ABTB3: variants seen among roughly 807,000 people sequenced by gnomAD.
ABTB3 encodes the protein ankyrin repeat and BTB domain containing 3.
At chr12:107,513,403 T>C in the ABTB3 span, among the ~76,000 whole-genome samples, 25,937 of 152,052 alleles carry the variant, frequency 0.17, 2,727 homozygotes, top group East Asian at 0.29. Flanking sequence ...TTCCCCCATG[T>C]TGTTCTCCTG....
At chr12:107,564,298 A>G in the ABTB3 span, among the ~76,000 whole-genome samples, 1 of 152,156 alleles carries the variant, frequency 6.6e-6, no homozygotes, top group African/African-American at 2.4e-5. Flanking sequence ...TTCCCATCCC[A>G]GCTTTAGAGA....
At chr12:107,581,293 G>T in the ABTB3 span, 4 of 1,419,850 alleles carry the variant, frequency 2.8e-6, no homozygotes, top group Non-Finnish European at 3.6e-6. Flanking sequence ...ACTGCGAGCC[G>T]CGCCAGCTCA....
chr12:107,432,654 G>T, the ABTB3 span, among the ~76,000 whole-genome samples: 1 of 152,192 alleles, frequency 6.6e-6, no homozygotes, highest in Non-Finnish European at 1.5e-5. Context: ...TCTGATTCAG[G>T]CCATGGGCAA....
chr12:107,544,590 T>C, the ABTB3 span, among the ~76,000 whole-genome samples: 1 of 152,190 alleles, frequency 6.6e-6, no homozygotes, highest in Non-Finnish European at 1.5e-5. Flanking sequence ...GGAGAGGCAG[T>C]GTGACTGTTC....
chr12:107,581,162 G>T, the ABTB3 span: 4 of 1,543,306 alleles, frequency 2.6e-6, no homozygotes, highest in East Asian at 2.4e-5. Flanking sequence ...GCCCTTCCTC[G>T]TGCTGCCGCC....
the ABTB3 span, among the ~76,000 whole-genome samples, chr12:107,407,233 T>C: frequency 6.6e-6 from 1 of 152,228 alleles, no homozygotes; most frequent in Admixed American, 6.5e-5. Flanking sequence ...TAATAATGCA[T>C]GTAAAATACC....
chr12:107,648,687 A>T, the ABTB3 span, among the ~76,000 whole-genome samples: 2 of 152,154 alleles, frequency 1.3e-5, no homozygotes, highest in Non-Finnish European at 2.9e-5. Flanking sequence ...GCACATTGTA[A>T]TAAGGAGCAG....
chr12:107,508,873 G>T, the ABTB3 span, among the ~76,000 whole-genome samples: 5 of 152,184 alleles, frequency 3.3e-5, no homozygotes, highest in African/African-American at 1.2e-4. Flanking sequence ...CAAGGGAAAG[G>T]CTTTTCAGAG....
the ABTB3 span, among the ~76,000 whole-genome samples, chr12:107,552,748 T>C: frequency 2.6e-5 from 4 of 152,350 alleles, no homozygotes; most frequent in East Asian, 7.7e-4. Context: ...CCTTTACTTA[T>C]GTTTTGCCCT....
the ABTB3 span, among the ~76,000 whole-genome samples, chr12:107,636,581 GTTAAT>G: frequency 7.2e-5 from 11 of 152,310 alleles, no homozygotes; most frequent in Middle Eastern, 3.4e-3. Context: ...TGAATAACTT[GTTAAT>G]TTAAATGAGA....
At chr12:107,480,524 A>G in the ABTB3 span, among the ~76,000 whole-genome samples, 1 of 152,196 alleles carries the variant, frequency 6.6e-6, no homozygotes, top group Non-Finnish European at 1.5e-5. Context: ...AGTGAAAAGT[A>G]GAGCCCAAAC....
At chr12:107,516,054 TGC>T in the ABTB3 span, among the ~76,000 whole-genome samples, 31,930 of 118,146 alleles carry the variant, frequency 0.27, 3,447 homozygotes, top group African/African-American at 0.31. Context: ...TGTGTGTGTG[TGC>T]GCACACACAC....
the ABTB3 span, among the ~76,000 whole-genome samples, chr12:107,470,650 CTGG>C: frequency 6.6e-6 from 1 of 152,232 alleles, no homozygotes; most frequent in South Asian, 2.1e-4. Flanking sequence ...AGGGTCACCG[CTGG>C]GCCTCGTCAC....
At chr12:107,354,501 G>A in the ABTB3 span, among the ~76,000 whole-genome samples, 3 of 152,132 alleles carry the variant, frequency 2.0e-5, no homozygotes, top group Admixed American at 2.0e-4. Context: ...TCATATAATA[G>A]CTGGTCTTTT....
the ABTB3 span, among the ~76,000 whole-genome samples, chr12:107,392,485 G>A: frequency 1.6e-4 from 24 of 152,158 alleles, no homozygotes; most frequent in Non-Finnish European, 3.2e-4. Flanking sequence ...CAGCCACGCA[G>A]GTCGTTCTGT....
At chr12:107,471,140 T>C in the ABTB3 span, among the ~76,000 whole-genome samples, 1 of 152,352 alleles carries the variant, frequency 6.6e-6, no homozygotes, top group South Asian at 2.1e-4. Context: ...AACAAACCCC[T>C]CTATGGTGCT....
the ABTB3 span, among the ~76,000 whole-genome samples, chr12:107,607,446 C>T: frequency 6.6e-6 from 1 of 152,160 alleles, no homozygotes; most frequent in African/African-American, 2.4e-5. Context: ...GGGAGCCTTC[C>T]AACAGCGTTG....
the ABTB3 span, among the ~76,000 whole-genome samples, chr12:107,522,588 C>T: frequency 6.6e-6 from 1 of 151,708 alleles, no homozygotes; most frequent in African/African-American, 2.4e-5. Flanking sequence ...TCTCTCTCTC[C>T]CTACTATATA....
chr12:107,385,739 C>G, the ABTB3 span, among the ~76,000 whole-genome samples: 1 of 152,170 alleles, frequency 6.6e-6, no homozygotes, highest in Non-Finnish European at 1.5e-5. Flanking sequence ...CCAACAGCTA[C>G]GTGCACCCCC....
Sources: allele counts gnomAD v4.1 joint callset (sites outside exome capture counted in the v4.1 genomes callset), GRCh38; gene constraint gnomAD v4.1.1; transcripts MANE v1.5; gene names NCBI Gene and HGNC (gene_info 2026-07-23, HGNC 2026-07-21).